The following VAT1L variants were observed in gnomAD, a reference collection of about 807,000 sequenced individuals.
VAT1L encodes putative NADPH-dependent quinone oxidoreductase VAT1L.
Under a neutral mutation model 44.1 loss-of-function variants are expected in VAT1L, and 34 were observed. The observed-to-expected ratio is 0.77, with a 90% CI of 0.59 to 1.03. The LOEUF (loss-of-function observed/expected upper bound fraction) is 1.03, where lower values mean the gene tolerates loss of function less well. Among genes scored for constraint, VAT1L ranks in the 50% least tolerant of loss-of-function variants. The pLI, the probability that VAT1L is intolerant of heterozygous loss-of-function variation, is 0.00. For synonymous variants in VAT1L, 253 were observed against 202.2 expected, an observed-to-expected ratio of 1.25 and a Z score of -2.13; for missense variants, 615 against 538.8, an observed-to-expected ratio of 1.14 and a Z score of -1.40.
chr16:77,942,181 A>C (rs867212389), intron 7 of VAT1L, among the ~76,000 whole-genome samples: 1 of 152,188 alleles, frequency 6.6e-6, no homozygotes, highest in African/African-American at 2.4e-5. Flanking sequence ...GAGGTCTCAC[A>C]ATCATGGTGG....
chr16:77,936,186 AG>A (rs2017794048), intron 7 of VAT1L, among the ~76,000 whole-genome samples: 1 of 152,224 alleles, frequency 6.6e-6, no homozygotes, highest in South Asian at 2.1e-4. Context: ...GGCCTGGAAT[AG>A]CAAGCTGGAC....
intron 7 of VAT1L, among the ~76,000 whole-genome samples, chr16:77,922,718 G>A (rs1003581055): frequency 6.6e-6 from 1 of 152,184 alleles, no homozygotes. Flanking sequence ...TTCCCTTTAA[G>A]CTTGCACACT....
At chr16:77,793,967 T>C (rs2015882785) in intron 1 of VAT1L, among the ~76,000 whole-genome samples, 1 of 152,182 alleles carries the variant, frequency 6.6e-6, no homozygotes, top group Admixed American at 6.5e-5. Context: ...AAAATCAGTA[T>C]TGCCATCTCC....
intron 3 of VAT1L, among the ~76,000 whole-genome samples, chr16:77,835,123 C>T (rs1034731978): frequency 6.6e-6 from 1 of 152,082 alleles, no homozygotes; most frequent in African/African-American, 2.4e-5. Context: ...GTGTCTGGTT[C>T]CTGCCACGTC....
intron 3 of VAT1L, among the ~76,000 whole-genome samples, chr16:77,854,037 A>G (rs1362584911): frequency 6.6e-6 from 1 of 152,068 alleles, no homozygotes; most frequent in Non-Finnish European, 1.5e-5. Flanking sequence ...CTGAGGCAAG[A>G]AAAGCTCTTG....
At chr16:77,873,623 A>T (rs1597077190) in intron 4 of VAT1L, among the ~76,000 whole-genome samples, 1 of 152,332 alleles carries the variant, frequency 6.6e-6, no homozygotes, top group East Asian at 1.9e-4. Flanking sequence ...GTGGAAGAGA[A>T]AGTCAATAAA....
chr16:77,946,220 A>G (rs1156912092), intron 7 of VAT1L, among the ~76,000 whole-genome samples: 1 of 150,744 alleles, frequency 6.6e-6, no homozygotes, highest in Non-Finnish European at 1.5e-5. Context: ...ATTCTAACAA[A>G]CAGCTCTAAC....
chr16:77,949,726 G>C (rs1039935687), intron 7 of VAT1L, among the ~76,000 whole-genome samples: 2 of 152,312 alleles, frequency 1.3e-5, no homozygotes, highest in Admixed American at 6.5e-5. Context: ...GCTTCCACCA[G>C]ATGCTCAATC....
Position 77,888,444 on chromosome 16 carries a change from A to G in VAT1L, c.1077+3642A>G, listed in dbSNP as rs184201163. ...AAAGAGGACTAGTTGGACATTTTCT[A>G]TGTTTAACAATAAATATGTGTTGAT... On this transcript the variant is annotated intron_variant, in intron 7 of 8. Coordinates refer to ENST00000302536, the MANE Select transcript of VAT1L (RefSeq NM_020927.3). Among the ~76,000 whole-genome samples the G allele has an allele frequency of 7.2e-5, 11 of 152,372 alleles. No homozygotes were observed. The East Asian group carries it at 1.5e-3, about 21-fold the overall frequency.
At chr16:77,814,741 G>A (rs1047892342) in intron 1 of VAT1L, among the ~76,000 whole-genome samples, 3 of 152,170 alleles carry the variant, frequency 2.0e-5, no homozygotes, top group South Asian at 4.1e-4. Context: ...ACAGTGATGC[G>A]TTATTTATTT....
rs1314486406 is a variant in VAT1L at position 77,879,829 on chromosome 16, C to A, written c.882+605C>A. Among the ~76,000 whole-genome samples, 16 of 152,174 alleles carry A rather than the reference C, an allele frequency of 1.1e-4. 1 individual carries two copies. Among genetic ancestry groups the A allele is most frequent in the Non-Finnish European group, 1.5e-5 (1 of 68,042 alleles). On this transcript the variant is annotated intron_variant, in intron 6 of 8. Transcript: ENST00000302536. This position sits in a 1 kb window ranked among gnomAD's most constrained non-coding sequence, Gnocchi z 4.1. ...AATTATTGGTCAAAAATGAACTTAGCATTAGTGCATTTTCTTTGCTCCATA... is the reference window on the plus strand; with the variant it reads ...AATTATTGGTCAAAAATGAACTTAGAATTAGTGCATTTTCTTTGCTCCATA...
At chr16:77,870,836 T>A (rs74481539) in intron 4 of VAT1L, among the ~76,000 whole-genome samples, 1 of 152,164 alleles carries the variant, frequency 6.6e-6, no homozygotes, top group Non-Finnish European at 1.5e-5. Context: ...ATGATGAAGA[T>A]GGTCTTTGTT....
At chr16:77,908,403 G>C (rs1288798163) in intron 7 of VAT1L, among the ~76,000 whole-genome samples, 2 of 138,902 alleles carry the variant, frequency 1.4e-5, no homozygotes, top group African/African-American at 2.7e-5. Flanking sequence ...GGCAGAGGTT[G>C]CAGTGAGCCG....
chr16:77,939,765 G>C (rs2017855404), intron 7 of VAT1L, among the ~76,000 whole-genome samples: 1 of 152,172 alleles, frequency 6.6e-6, no homozygotes, highest in Non-Finnish European at 1.5e-5. Context: ...CTTATATCTT[G>C]AGGTTTATTT....
intron 7 of VAT1L, among the ~76,000 whole-genome samples, chr16:77,887,650 A>G (rs939858629): frequency 6.6e-6 from 1 of 152,210 alleles, no homozygotes; most frequent in African/African-American, 2.4e-5. Flanking sequence ...CTAAGGATAC[A>G]GAGCAAAGGT....
chr16:77,853,901 G>A (rs1183208595), intron 3 of VAT1L, among the ~76,000 whole-genome samples: 1 of 152,128 alleles, frequency 6.6e-6, no homozygotes, highest in African/African-American at 2.4e-5. Flanking sequence ...AGCACTTTGG[G>A]AGGCCAAGGA....
intron 3 of VAT1L, among the ~76,000 whole-genome samples, chr16:77,828,075 G>A (rs917513011): frequency 3.3e-5 from 5 of 152,162 alleles, no homozygotes; most frequent in African/African-American, 1.2e-4. Flanking sequence ...GTGGTGTGTG[G>A]CAATTAAAGG....
intron 7 of VAT1L, among the ~76,000 whole-genome samples, chr16:77,885,636 G>GTT (rs148362861): frequency 6.7e-6 from 1 of 149,090 alleles, no homozygotes; most frequent in African/African-American, 2.5e-5. Context: ...ATGTGGGAAT[G>GTT]TTTTTTTTTT....
At chr16:77,944,706 C>A (rs934192944) in intron 7 of VAT1L, among the ~76,000 whole-genome samples, 1 of 152,112 alleles carries the variant, frequency 6.6e-6, no homozygotes, top group Non-Finnish European at 1.5e-5. Flanking sequence ...TATTATACTG[C>A]CTACAGTAGT....
Sources: allele counts gnomAD v4.1 joint callset (sites outside exome capture counted in the v4.1 genomes callset), GRCh38; gene constraint gnomAD v4.1.1; non-coding constraint Gnocchi (gnomAD v3.1); transcripts MANE v1.5; gene names NCBI Gene and HGNC (gene_info 2026-07-23, HGNC 2026-07-21).